DGKB: variants seen among roughly 807,000 people sequenced by gnomAD.
DGKB encodes 90 kDa diacylglycerol kinase.
A neutral mutation model predicts 114.3 loss-of-function variants in DGKB; 67 were observed. The ratio of observed to expected loss-of-function variants is 0.59; its 90% CI spans 0.48 to 0.72. The LOEUF (loss-of-function observed/expected upper bound fraction) is 0.72, where lower values mean the gene tolerates loss of function less well. Ranked by LOEUF, DGKB falls within the 30% of genes least tolerant of loss-of-function variation. The probability of loss-of-function intolerance (pLI) is 0.00; values close to 1 mark genes in which losing one functional copy is unlikely to be tolerated. For synonymous variants in DGKB, 398 were observed against 323.1 expected (o/e 1.23, Z -2.49); for missense variants, 907 against 975.2 (o/e 0.93, Z 0.93).
chr7:14,572,287 CAA>C (rs11333094), intron 20 of DGKB, among the ~76,000 whole-genome samples: 85 of 135,146 alleles, frequency 6.3e-4, no homozygotes, highest in Non-Finnish European at 7.3e-4. Context: ...ACTAAAAATA[CAA>C]AAAAAAAAAA....
rs1586797568 is a variant in DGKB, at chr7:14,832,602, T to G, written c.70+8592A>C. On this transcript the variant is annotated intron_variant, in intron 2 of 25. Transcript: ENST00000402815. ...ATGCGTTTTGGTTATTATCTCAAGT[T>G]CAATCTCATTTTTTGAAAACATGTT... Among the ~76,000 whole-genome samples, 5 of 152,098 alleles carry G rather than the reference T, an allele frequency of 3.3e-5. No individual in the cohort carries two copies. The East Asian group carries it at 9.6e-4, about 29-fold the overall frequency.
intron 12 of DGKB, among the ~76,000 whole-genome samples, chr7:14,676,834 C>T (rs4083172): frequency 0.29 from 43,416 of 151,420 alleles, 7,076 homozygotes; most frequent in Non-Finnish European, 0.37. Context: ...TAACCAATAG[C>T]GCACCAGAGA....
chr7:14,887,826 T>C (rs905175981), intron 1 of DGKB, among the ~76,000 whole-genome samples: 3 of 151,758 alleles, frequency 2.0e-5, no homozygotes, highest in African/African-American at 7.3e-5. Context: ...ACTTTAAAAC[T>C]GCATTTCCGA....
At chr7:14,484,777 A>G (rs999841697) in intron 20 of DGKB, among the ~76,000 whole-genome samples, 1 of 152,178 alleles carries the variant, frequency 6.6e-6, no homozygotes, top group African/African-American at 2.4e-5. Flanking sequence ...TAGAAATATA[A>G]CACATCAAGA....
chr7:14,366,390 C>T (rs1038118281), intron 21 of DGKB, among the ~76,000 whole-genome samples: 5 of 152,070 alleles, frequency 3.3e-5, no homozygotes, highest in Non-Finnish European at 2.9e-5. Flanking sequence ...ATTAGAGTTG[C>T]TTACATCTGA....
In DGKB at chr7:14,820,002, C is replaced by A. The variant is rs1844691876; in HGVS notation, c.70+21192G>T. Among the ~76,000 whole-genome samples the A allele has an allele frequency of 2.0e-5, 3 of 152,096 alleles. No individual in the cohort carries two copies. The South Asian group carries it at 6.2e-4, about 32-fold the overall frequency. ...CACAATCCATATTGTGTTTTGGGTTCTTTTAGGGAGAGAGATTTTTGAATA... is the reference window on the plus strand; with the variant it reads ...CACAATCCATATTGTGTTTTGGGTTATTTTAGGGAGAGAGATTTTTGAATA... On this transcript the variant is annotated intron_variant, in intron 2 of 25. Coordinates refer to ENST00000402815, the MANE Select transcript of DGKB (RefSeq NM_001350709.2).
intron 23 of DGKB, among the ~76,000 whole-genome samples, chr7:14,291,113 G>C (rs750606959): frequency 9.2e-5 from 11 of 120,154 alleles, no homozygotes; most frequent in African/African-American, 3.4e-4. Context: ...CTGCACTCCA[G>C]CCTATGCAAC....
chr7:14,620,148 C>T (rs1005831855), intron 15 of DGKB, among the ~76,000 whole-genome samples: 8 of 151,260 alleles, frequency 5.3e-5, no homozygotes, highest in Non-Finnish European at 1.2e-4. Flanking sequence ...AATTTCTAAA[C>T]ATATGGATAT....
chr7:14,922,781 GCT>G (rs1784573293), intron 1 of DGKB, among the ~76,000 whole-genome samples: 1 of 152,056 alleles, frequency 6.6e-6, no homozygotes, highest in Admixed American at 6.5e-5. Flanking sequence ...TATGTTTTGA[GCT>G]CTGTGTAAAT....
chr7:14,619,608 G>A (rs1807222853), intron 15 of DGKB, among the ~76,000 whole-genome samples: 1 of 151,626 alleles, frequency 6.6e-6, no homozygotes, highest in African/African-American at 2.4e-5. Flanking sequence ...ATGTTCAGAA[G>A]TTTAGCAGTT....
intron 2 of DGKB, among the ~76,000 whole-genome samples, chr7:14,775,511 A>C (rs1838025985): frequency 1.3e-5 from 2 of 151,750 alleles, no homozygotes. Flanking sequence ...AATAATTCCC[A>C]TAATCTCCAC....
chr7:14,811,985 C>A (rs948667773), intron 2 of DGKB, among the ~76,000 whole-genome samples: 1 of 152,068 alleles, frequency 6.6e-6, no homozygotes, highest in Non-Finnish European at 1.5e-5. Context: ...CACCATTCTA[C>A]CTGTGTTTCT....
At chr7:14,691,826 G>A (rs73272142) in intron 9 of DGKB, among the ~76,000 whole-genome samples, 2,080 of 151,604 alleles carry the variant, frequency 0.014, 41 homozygotes, top group African/African-American at 0.047. Flanking sequence ...TCTAGCGGCC[G>A]TCACTGGTAA....
At chr7:14,835,023 C>A (rs1211970266) in intron 2 of DGKB, among the ~76,000 whole-genome samples, 1 of 151,990 alleles carries the variant, frequency 6.6e-6, no homozygotes, top group Non-Finnish European at 1.5e-5. Flanking sequence ...AAATAGGAAC[C>A]AGAGCCAGAG....
intron 20 of DGKB, among the ~76,000 whole-genome samples, chr7:14,486,123 T>C (rs529706110): frequency 3.9e-5 from 6 of 152,310 alleles, no homozygotes; most frequent in African/African-American, 1.2e-4. Context: ...TGTGATTATG[T>C]TGCAGAGGGC....
At chr7:14,931,157 GC>G (rs1170744221) in intron 1 of DGKB, among the ~76,000 whole-genome samples, 5 of 150,442 alleles carry the variant, frequency 3.3e-5, no homozygotes, top group Non-Finnish European at 7.4e-5. Flanking sequence ...TGTCGCCCAG[GC>G]TAGAGTGCAG....
At position 14,694,195 on chromosome 7, in the gene DGKB, C is replaced by A; in HGVS notation, c.592-1G>T. 1 of 1,563,466 alleles carries A rather than the reference C, an allele frequency of 6.4e-7. No homozygotes were observed. Among genetic ancestry groups the A allele is most frequent in the Non-Finnish European group, 8.7e-7 (1 of 1,152,782 alleles). On this transcript the variant is annotated splice_acceptor_variant, in intron 8 of 25. Transcript: ENST00000402815. LOFTEE classifies it high-confidence loss of function. Reference sequence around the variant, plus strand: ...TTTCTTCCATCATTTCATGGAGGATCTGGAGTAGAGGAGATAAGGGAAAAT... The same window carrying A: ...TTTCTTCCATCATTTCATGGAGGATATGGAGTAGAGGAGATAAGGGAAAAT...
At chr7:14,767,343 A>C (rs1192867005) in intron 2 of DGKB, among the ~76,000 whole-genome samples, 5 of 151,884 alleles carry the variant, frequency 3.3e-5, no homozygotes, top group Non-Finnish European at 5.9e-5. Context: ...AGGCAGATTG[A>C]CAAGTGCTGC....
rs1194932505 is a variant in DGKB, at chr7:14,682,676, C to T, written c.919-7G>A. ...CCCAGTAATGGTGCATGACCTAGAA[C>T]AGAATGACAACATTGTGATAAGAGG... On this transcript the variant is annotated splice_region_variant and splice_polypyrimidine_tract_variant and intron_variant, in intron 11 of 25. Transcript: ENST00000402815. The T allele has an allele frequency of 1.9e-6, 3 of 1,611,246 alleles. No homozygotes were observed. The highest frequency in any genetic ancestry group is 1.7e-5 in the Admixed American group (1 of 59,902).
Sources: allele counts gnomAD v4.1 joint callset (sites outside exome capture counted in the v4.1 genomes callset), GRCh38; gene constraint gnomAD v4.1.1; transcripts MANE v1.5; gene names NCBI Gene and HGNC (gene_info 2026-07-23, HGNC 2026-07-21).